COL4A4: variants seen among roughly 807,000 people sequenced by gnomAD.
COL4A4 encodes collagen alpha-4(IV) chain.
COL4A4 carries 105 observed loss-of-function variants against 192.9 expected under a neutral mutation model. The ratio of observed to expected loss-of-function variants is 0.54; its 90% CI spans 0.46 to 0.64. The LOEUF (loss-of-function observed/expected upper bound fraction) is 0.64. Ranked by LOEUF, COL4A4 falls within the 30% of genes least tolerant of loss-of-function variation. The probability of loss-of-function intolerance (pLI) is 0.00; values close to 1 mark genes in which losing one functional copy is unlikely to be tolerated. For synonymous variants in COL4A4, 762 were observed against 769.9 expected (o/e 0.99, Z 0.17); for missense variants, 1,967 against 2,169.3 (o/e 0.91, Z 1.85).
Position 227,088,730 on chromosome 2 carries a change from C to A in COL4A4, c.1546G>T (p.Asp516Tyr). The A allele has an allele frequency of 6.2e-7, 1 of 1,614,128 alleles. No homozygotes were observed. The highest frequency in any genetic ancestry group is 1.1e-5 in the South Asian group (1 of 91,074). ...CCAAGCCAGCCAGGGAGCCCCAAGT[C>A]TCCCTTACTCCCCTGCCTCCCAGGA... ...GLPGRQGSKG[D>Y]LGLPGWLGTK... The change falls in exon 22 of 48, where the codon GAC becomes TAC. Residue 516 changes from aspartate to tyrosine, a missense_variant. By Grantham distance (160) the Asp-to-Tyr change is radical. Transcript: ENST00000396625.
chr2:226,979,980 G>A, the COL4A4 span, among the ~76,000 whole-genome samples: 5 of 152,316 alleles, frequency 3.3e-5, no homozygotes, highest in East Asian at 5.8e-4. Flanking sequence ...TTTGGGGACA[G>A]GACGAGTGGA....
At chr2:227,088,991 G>A (rs897098699) in intron 21 of COL4A4, among the ~76,000 whole-genome samples, 175 bp from the exon 22 acceptor site, 3 of 152,178 alleles carry the variant, frequency 2.0e-5, no homozygotes, top group Non-Finnish European at 4.4e-5. Context: ...GCACTACATG[G>A]GGTGCCTAGG....
intron 32 of COL4A4, among the ~76,000 whole-genome samples, 154 bp downstream of exon 32, chr2:227,052,151 A>G (rs1477821076): frequency 6.6e-6 from 1 of 152,102 alleles, no homozygotes; most frequent in African/African-American, 2.4e-5. Flanking sequence ...AGATGGTGCC[A>G]CTGCACTCCA....
chr2:227,082,072 C>A, intron 23 of COL4A4, 43 bp downstream of exon 23: 2 of 1,508,644 alleles, frequency 1.3e-6, no homozygotes, highest in Non-Finnish European at 1.8e-6. Context: ...GTCCATACAT[C>A]ATTCATAAAA....
chr2:227,080,988 G>A (rs1053552495), intron 23 of COL4A4, among the ~76,000 whole-genome samples: 9 of 152,180 alleles, frequency 5.9e-5, no homozygotes, highest in African/African-American at 1.7e-4. Context: ...AGCTGCCTGG[G>A]GGTATGAAAA....
At chr2:227,042,855 A>G (rs932080561) in intron 36 of COL4A4, among the ~76,000 whole-genome samples, 3 of 152,204 alleles carry the variant, frequency 2.0e-5, no homozygotes, top group Non-Finnish European at 2.9e-5. Flanking sequence ...GTGCCATGCT[A>G]GGCACTTTAC....
chr2:227,125,529 G>GAA (rs796180530), intron 4 of COL4A4, among the ~76,000 whole-genome samples: 2 of 144,562 alleles, frequency 1.4e-5, no homozygotes, highest in African/African-American at 5.1e-5. Context: ...ACTTCGGGAG[G>GAA]AAAAAAAAAA....
At chr2:227,117,822 G>A (rs2061574343) in intron 7 of COL4A4, among the ~76,000 whole-genome samples, 1 of 152,060 alleles carries the variant, frequency 6.6e-6, no homozygotes, top group Non-Finnish European at 1.5e-5. Context: ...AGAGCCGTAA[G>A]TTTTCCCCCA....
Position 227,088,763 on chromosome 2 carries a change from G to A in COL4A4, c.1513C>T (p.Pro505Ser). The change falls in exon 22 of 48, where the codon CCA becomes TCA. Residue 505 changes from proline to serine, a missense_variant. Transcript: ENST00000396625. ...EPGPMGPPGPPGLPGRQGSKG... is the reference protein window; with the variant it reads ...EPGPMGPPGPSGLPGRQGSKG... ...CTCCCCTGCCTCCCAGGAAGTCCTG[G>A]AGGGCCAGGGGGGCCCATGGGTCCA... is the stretch of plus-strand genomic sequence containing the variant. 1 of 1,614,084 alleles carries A rather than the reference G, an allele frequency of 6.2e-7. No individual in the cohort carries two copies. The highest frequency in any genetic ancestry group is 8.5e-7 in the Non-Finnish European group (1 of 1,179,986).
intron 28 of COL4A4, among the ~76,000 whole-genome samples, chr2:227,058,261 A>AGTGTGTGTGTATGTGT (rs1216280016): frequency 6.6e-6 from 1 of 151,956 alleles, no homozygotes; most frequent in Non-Finnish European, 1.5e-5. Flanking sequence ...TGAGAGATAG[A>AGTGTGTGTGTATGTGT]GTGTGTGTGT....
chr2:227,110,460 T>A (rs2061129292), intron 9 of COL4A4, among the ~76,000 whole-genome samples: 1 of 152,162 alleles, frequency 6.6e-6, no homozygotes, highest in African/African-American at 2.4e-5. Flanking sequence ...CTTGGCTCAC[T>A]GCATCTTCTG....
At chr2:227,045,645 TG>T (rs1311494067) in intron 35 of COL4A4, among the ~76,000 whole-genome samples, 2 of 150,318 alleles carry the variant, frequency 1.3e-5, no homozygotes, top group East Asian at 3.9e-4. Context: ...GGTGCACACC[TG>T]TAGTCCCAGC....
chr2:227,010,764 C>T (rs545281280), intron 45 of COL4A4, among the ~76,000 whole-genome samples: 143 of 152,268 alleles, frequency 9.4e-4, no homozygotes, highest in African/African-American at 3.3e-3. Context: ...AAATCCCTGC[C>T]CTCATAGAGC....
the COL4A4 span, among the ~76,000 whole-genome samples, chr2:226,974,782 A>G: frequency 6.6e-6 from 1 of 152,118 alleles, no homozygotes. Context: ...TGAACTGTAC[A>G]GTGCTGAGAG....
chr2:227,059,667 G>C (rs1188070353), intron 27 of COL4A4, 44 bp from the exon 28 acceptor site: 4 of 1,386,106 alleles, frequency 2.9e-6, no homozygotes, highest in Non-Finnish European at 3.1e-6. Context: ...ACATGTGCAA[G>C]TATAGAACCA....
At chr2:227,126,915 A>G (rs62277806) in intron 4 of COL4A4, among the ~76,000 whole-genome samples, 15,167 of 152,258 alleles carry the variant, frequency 0.1, 1,164 homozygotes, top group African/African-American at 0.21. Context: ...GTTATAATAG[A>G]ATTCACTTCA....
intron 4 of COL4A4, among the ~76,000 whole-genome samples, chr2:227,124,469 A>G (rs1038857270): frequency 3.9e-5 from 6 of 152,222 alleles, no homozygotes; most frequent in African/African-American, 1.4e-4. Flanking sequence ...AAATTTTACA[A>G]ATCAAAACTA....
At chr2:227,035,227 G>A (rs919784758) in intron 37 of COL4A4, among the ~76,000 whole-genome samples, 2 of 152,146 alleles carry the variant, frequency 1.3e-5, no homozygotes, top group Non-Finnish European at 2.9e-5. Context: ...GAACAAGGTG[G>A]ATGAGGGAGA....
chr2:227,118,670 C>G lies in COL4A4; in HGVS notation c.464G>C (p.Gly155Ala), dbSNP rs1319037678. The change falls in exon 7 of 48, where the codon GGA becomes GCA. Residue 155 changes from glycine to alanine, a missense_variant. Physicochemically the swap from Gly to Ala is moderately conservative, Grantham distance 60. Coordinates refer to ENST00000396625, the MANE Select transcript of COL4A4 (RefSeq NM_000092.5). The stretch of plus-strand genomic sequence containing the variant: ...TAGGGGGCCTCCTGGGCCAAGAGCT[C>G]CTCTTCCTCCTGGAAACCCTGGGTC... Reference protein sequence around the residue: ...RGDPGFPGGRGALGPGGPLGH... With the variant: ...RGDPGFPGGRAALGPGGPLGH... The G allele has an allele frequency of 6.2e-7, 1 of 1,614,000 alleles. No homozygotes were observed.
Sources: allele counts gnomAD v4.1 joint callset (sites outside exome capture counted in the v4.1 genomes callset), GRCh38; gene constraint gnomAD v4.1.1; transcripts MANE v1.5; gene names NCBI Gene and HGNC (gene_info 2026-07-23, HGNC 2026-07-21).